Variants in ACKR3 observed in about 807,000 individuals in gnomAD.
The protein encoded by ACKR3 is C-X-C chemokine receptor type 7.
In ACKR3, 6 loss-of-function variants were observed where a neutral mutation model predicts 22.4. The ratio of observed to expected loss-of-function variants is 0.27; its 90% CI spans 0.15 to 0.53. The LOEUF (loss-of-function observed/expected upper bound fraction) is 0.53. Among genes scored for constraint, ACKR3 ranks in the 20% least tolerant of loss-of-function variants. The probability of loss-of-function intolerance (pLI) is 0.96; values close to 1 mark genes in which losing one functional copy is unlikely to be tolerated. For missense variants in ACKR3, 396 were observed against 475.2 expected (o/e 0.83, Z 1.55); for synonymous variants, 209 against 205.2 (o/e 1.02, Z -0.16).
In ACKR3 at chr2:236,573,393, G is replaced by A. The variant is rs73997413; in HGVS notation, c.-27+3469G>A. Among the ~76,000 whole-genome samples, 1,030 of 152,300 alleles carry A rather than the reference G, an allele frequency of 6.8e-3. 11 individuals are homozygous for A. The highest frequency in any genetic ancestry group is 0.024 in the African/African-American group (993 of 41,544). ...GAGTCCCTGGAGATGTTGGAAAGGG[G>A]AAGAGAACTCTGTTCTTAGCCACAA... On this transcript the variant is annotated intron_variant, in intron 1 of 1. Coordinates refer to ENST00000272928, the MANE Select transcript of ACKR3 (RefSeq NM_020311.3).
chr2:236,541,323 T>G, the ACKR3 span, among the ~76,000 whole-genome samples: 1 of 152,228 alleles, frequency 6.6e-6, no homozygotes, highest in African/African-American at 2.4e-5. Context: ...ATTTCAGCCT[T>G]TTTTAAATAC....
the ACKR3 span, among the ~76,000 whole-genome samples, chr2:236,561,847 T>C: frequency 6.6e-6 from 1 of 152,228 alleles, no homozygotes; most frequent in Non-Finnish European, 1.5e-5. Context: ...TAAATTGGCT[T>C]ATTAGTTTTT....
the ACKR3 span, among the ~76,000 whole-genome samples, chr2:236,546,773 C>G: frequency 6.6e-6 from 1 of 152,234 alleles, no homozygotes; most frequent in Non-Finnish European, 1.5e-5. The surrounding 1 kb of genome is among the most constrained non-coding windows in gnomAD (Gnocchi z 4.9). Flanking sequence ...GCAGGAAGGG[C>G]AAGGAGGCTG....
the ACKR3 span, among the ~76,000 whole-genome samples, chr2:236,543,770 G>A: frequency 1.3e-5 from 2 of 151,848 alleles, no homozygotes; most frequent in Admixed American, 6.6e-5. Context: ...CTGATGAAAT[G>A]TGACCTAAAT....
At chr2:236,561,444 C>T in the ACKR3 span, among the ~76,000 whole-genome samples, 1 of 151,628 alleles carries the variant, frequency 6.6e-6, no homozygotes, top group African/African-American at 2.4e-5. Context: ...GAGGTCATGA[C>T]TGTCGTTTGT....
chr2:236,579,175 G>T (rs980956992), intron 1 of ACKR3, among the ~76,000 whole-genome samples: 1 of 152,184 alleles, frequency 6.6e-6, no homozygotes, highest in African/African-American at 2.4e-5. Context: ...GTAGCCACCC[G>T]GACCCTGATC....
At chr2:236,547,189 G>C in the ACKR3 span, among the ~76,000 whole-genome samples, 1 of 152,248 alleles carries the variant, frequency 6.6e-6, no homozygotes, top group African/African-American at 2.4e-5. Flanking sequence ...ACAGTGTGAA[G>C]AAGGAAATAA....
At chr2:236,579,497 A>G (rs1380822841) in intron 1 of ACKR3, among the ~76,000 whole-genome samples, 1 of 152,224 alleles carries the variant, frequency 6.6e-6, no homozygotes, top group Non-Finnish European at 1.5e-5. Context: ...AATCAGTGCC[A>G]GATAACAATG....
chr2:236,550,157 T>C, the ACKR3 span, among the ~76,000 whole-genome samples: 3 of 152,186 alleles, frequency 2.0e-5, no homozygotes, highest in African/African-American at 7.2e-5. This position sits in a 1 kb window ranked among gnomAD's most constrained non-coding sequence, Gnocchi z 4.6. Flanking sequence ...CCTAAGGCCA[T>C]GCGAGGGGCT....
At chr2:236,543,482 A>G in the ACKR3 span, among the ~76,000 whole-genome samples, 15 of 152,278 alleles carry the variant, frequency 9.9e-5, no homozygotes, top group African/African-American at 3.6e-4. Flanking sequence ...CTGAGAGTAT[A>G]GAAAAAGGCT....
chr2:236,566,844 CTTTCTTTCT>C (rs960633092), upstream of ACKR3, among the ~76,000 whole-genome samples: 2 of 150,944 alleles, frequency 1.3e-5, no homozygotes, highest in African/African-American at 4.9e-5. Context: ...TTTCCTCTTT[CTTTCTTTCT>C]TTTCTTTCTT....
chr2:236,578,402 G>T (rs984681862), intron 1 of ACKR3, among the ~76,000 whole-genome samples: 1 of 152,216 alleles, frequency 6.6e-6, no homozygotes, highest in Non-Finnish European at 1.5e-5. Context: ...ATAAGTCCGT[G>T]GTCACAGGGC....
At chr2:236,558,727 A>C in the ACKR3 span, among the ~76,000 whole-genome samples, 2 of 152,124 alleles carry the variant, frequency 1.3e-5, no homozygotes, top group Admixed American at 1.3e-4. Flanking sequence ...TTTTTCTCTA[A>C]GTTTATGGTT....
At chr2:236,565,569 C>T (rs909207516), upstream of ACKR3, among the ~76,000 whole-genome samples, 3 of 152,322 alleles carry the variant, frequency 2.0e-5, no homozygotes, top group East Asian at 5.8e-4. Flanking sequence ...CTGTCCAATC[C>T]ACTACATAAT....
chr2:236,571,983 G>T (rs927631301), intron 1 of ACKR3, among the ~76,000 whole-genome samples: 2 of 152,152 alleles, frequency 1.3e-5, no homozygotes, highest in African/African-American at 4.8e-5. Context: ...GATTGCACGT[G>T]TGTAGGCATA....
chr2:236,549,896 A>G, the ACKR3 span, among the ~76,000 whole-genome samples: 3 of 152,278 alleles, frequency 2.0e-5, no homozygotes, highest in South Asian at 6.2e-4. The surrounding 1 kb of genome is among the most constrained non-coding windows in gnomAD (Gnocchi z 5.3). Context: ...TGATGGGTAA[A>G]CAGTGTTTAC....
chr2:236,562,230 CTTTAT>C, the ACKR3 span, among the ~76,000 whole-genome samples: 2 of 152,130 alleles, frequency 1.3e-5, no homozygotes, highest in East Asian at 1.9e-4. Context: ...TTGTCAAATG[CTTTAT>C]TTTATTAATT....
At chr2:236,555,079 G>A in the ACKR3 span, among the ~76,000 whole-genome samples, 1 of 152,214 alleles carries the variant, frequency 6.6e-6, no homozygotes, top group East Asian at 1.9e-4. Context: ...ACAGCGGCAG[G>A]TGGCCTCCAC....
chr2:236,567,336 G>A (rs2106495641), upstream of ACKR3, among the ~76,000 whole-genome samples: 1 of 152,272 alleles, frequency 6.6e-6, no homozygotes, highest in Non-Finnish European at 1.5e-5. Context: ...CATGCCGCGT[G>A]AAACTTGCAC....
Sources: allele counts gnomAD v4.1 joint callset (sites outside exome capture counted in the v4.1 genomes callset), GRCh38; gene constraint gnomAD v4.1.1; non-coding constraint Gnocchi (gnomAD v3.1); transcripts MANE v1.5; gene names NCBI Gene and HGNC (gene_info 2026-07-23, HGNC 2026-07-21).